SCN4B: variants seen among roughly 807,000 people sequenced by gnomAD.
SCN4B encodes the protein sodium voltage-gated channel beta subunit 4.
A neutral mutation model predicts 19.6 loss-of-function variants in SCN4B; 20 were observed. The ratio of observed to expected loss-of-function variants is 1.02; its 90% CI spans 0.72 to 1.48. The LOEUF (loss-of-function observed/expected upper bound fraction) is 1.48, where lower values mean the gene tolerates loss of function less well. SCN4B is among the 40% of genes most tolerant of loss of function. The probability of loss-of-function intolerance (pLI) is 0.00; values close to 1 mark genes in which losing one functional copy is unlikely to be tolerated. For synonymous variants in SCN4B, 127 were observed against 122.8 expected (o/e 1.03, Z -0.22); for missense variants, 271 against 287.5 (o/e 0.94, Z 0.42).
At chr11:118,151,737 G>A (rs1303575169) in intron 1 of SCN4B, among the ~76,000 whole-genome samples, 1 of 152,204 alleles carries the variant, frequency 6.6e-6, no homozygotes, top group Non-Finnish European at 1.5e-5. Context: ...AAGAGATGCC[G>A]TTGCCAGAGA....
Position 118,141,282 on chromosome 11 carries a change from A to G in SCN4B, c.518T>C (p.Val173Ala), listed in dbSNP as rs1471873887. The change falls in exon 4 of 5, where the codon GTC becomes GCC. Residue 173 changes from valine to alanine, a missense_variant. Val to Ala is a moderately conservative substitution (Grantham distance 64). Transcript: ENST00000324727. Reference sequence around the variant, plus strand: ...CAGGATGAGGATGAGGAGCCCGATGACCCCGCCCACGACAGCCAGGATGAT... The same window carrying G: ...CAGGATGAGGATGAGGAGCCCGATGGCCCCGCCCACGACAGCCAGGATGAT... ...TLIILAVVGGVIGLLILILLI... is the reference protein window; with the variant it reads ...TLIILAVVGGAIGLLILILLI... 1.2e-6 allele frequency: 2 copies of G among 1,612,366 alleles called. No homozygotes were observed. The highest frequency in any genetic ancestry group is 1.7e-6 in the Non-Finnish European group (2 of 1,179,920).
chr11:118,134,065 C>G lies in SCN4B; in HGVS notation c.*2962G>C. On this transcript the variant is annotated 3_prime_UTR_variant, in exon 5 of 5. Coordinates refer to ENST00000324727, the MANE Select transcript of SCN4B (RefSeq NM_174934.4). ...CCTCCTGCCATCTCACAAGCATGCT[C>G]TCAAGCCCTCGCTCCACAAGAGCTC... The G allele has an allele frequency of 2.2e-6, 1 of 454,522 alleles. No individual in the cohort carries two copies. The allele number at this position is 454,522 out of a possible 1,614,324, so 28.2% of individuals were successfully genotyped here. A position where few individuals can be genotyped will look rare whatever the true frequency, so the allele number is the denominator to read the frequency against.
rs1458197310 is a variant in SCN4B, at chr11:118,134,561, C to T, written c.*2466G>A. ...GGGGCAACCAAAAATGCCCCCCCTA[C>T]AATCTCAGTCACCTCTATTGAAAAC... On this transcript the variant is annotated 3_prime_UTR_variant, in exon 5 of 5. Coordinates refer to ENST00000324727, the MANE Select transcript of SCN4B (RefSeq NM_174934.4). 1 of 454,092 alleles carries T rather than the reference C, an allele frequency of 2.2e-6. No homozygotes were observed. Among genetic ancestry groups the T allele is most frequent in the Admixed American group, 2.3e-5 (1 of 42,578 alleles). The allele number at this position is 454,092 out of a possible 1,614,324, so 28.1% of individuals were successfully genotyped here.
chr11:118,137,170 G>C (rs944323108), intron 4 of SCN4B, 50 bp from the exon 5 acceptor site: 6 of 1,388,058 alleles, frequency 4.3e-6, no homozygotes, highest in Non-Finnish European at 5.1e-6. Flanking sequence ...GCAAGAGTAG[G>C]GGGAGAATTG....
chr11:118,150,459 C>T (rs895128439), intron 1 of SCN4B, among the ~76,000 whole-genome samples: 2 of 152,124 alleles, frequency 1.3e-5, no homozygotes, highest in African/African-American at 4.8e-5. Flanking sequence ...TTTATCCTTC[C>T]ACACTCATGC....
At chr11:118,140,188 A>G (rs1347262477) in intron 4 of SCN4B, among the ~76,000 whole-genome samples, 1 of 152,218 alleles carries the variant, frequency 6.6e-6, no homozygotes, top group Non-Finnish European at 1.5e-5. Flanking sequence ...CCACGCTTTT[A>G]GCCCCTCTCA....
intron 3 of SCN4B, chr11:118,141,919 C>T (rs1265922908): frequency 6.3e-6 from 1 of 157,530 alleles, no homozygotes; most frequent in Non-Finnish European, 1.4e-5. Flanking sequence ...AGTCTTCCTC[C>T]TCTCCACTGA....
At chr11:118,137,331 T>G (rs1948029843) in intron 4 of SCN4B, among the ~76,000 whole-genome samples, 1 of 152,164 alleles carries the variant, frequency 6.6e-6, no homozygotes, top group Non-Finnish European at 1.5e-5. Context: ...TGCGTGGGGT[T>G]GCTGGAAGGA....
At chr11:118,138,743 T>C (rs148028674) in intron 4 of SCN4B, among the ~76,000 whole-genome samples, 245 of 152,286 alleles carry the variant, frequency 1.6e-3, no homozygotes, top group African/African-American at 4.5e-3. Context: ...AGCCTCCTCA[T>C]AGGAGTCAGG....
Position 118,141,325 on chromosome 11 carries a change from C to G in SCN4B, c.475G>C (p.Asp159His), listed in dbSNP as rs1565455142. The change falls in exon 4 of 5, where the codon GAC becomes CAC. Residue 159 changes from aspartate (D) to histidine (H), a missense_variant. Asp to His is a moderately conservative substitution (Grantham distance 81). Coordinates refer to ENST00000324727, the MANE Select transcript of SCN4B (RefSeq NM_174934.4). ...AGGATGATGAGTGTCACTGTGTTGT[C>G]CACTTCTTCCACTGTGTGGCCCGAG... is the stretch of plus-strand genomic sequence containing the variant. The part of the protein sequence containing the change: ...LQVVDRLEEV[D>H]NTVTLIILAV... 3.1e-6 allele frequency: 5 copies of G among 1,612,328 alleles called. No homozygotes were observed. Among genetic ancestry groups the G allele is most frequent in the Middle Eastern group, 2.2e-4 (1 of 4,560 alleles).
chr11:118,146,199 C>G (rs948869445), intron 1 of SCN4B, among the ~76,000 whole-genome samples: 1 of 152,212 alleles, frequency 6.6e-6, no homozygotes, highest in Non-Finnish European at 1.5e-5. Context: ...AACCTCCGCC[C>G]CAGCACTCCG....
intron 1 of SCN4B, among the ~76,000 whole-genome samples, chr11:118,146,507 A>C (rs1337505394): frequency 6.6e-6 from 1 of 152,160 alleles, no homozygotes; most frequent in Non-Finnish European, 1.5e-5. Context: ...TCTGCATCAT[A>C]AACCTCTTGT....
intron 4 of SCN4B, among the ~76,000 whole-genome samples, chr11:118,139,790 C>T (rs760768009): frequency 2.0e-5 from 3 of 151,942 alleles, no homozygotes; most frequent in Non-Finnish European, 4.4e-5. Flanking sequence ...TGGTGGAATT[C>T]CTAACATATG....
intron 1 of SCN4B, among the ~76,000 whole-genome samples, chr11:118,150,753 G>A (rs1439646876): frequency 6.6e-6 from 1 of 152,146 alleles, no homozygotes; most frequent in Non-Finnish European, 1.5e-5. Context: ...AGTCGTCTCT[G>A]TATCTCCCCC....
chr11:118,144,082 G>A, intron 2 of SCN4B, 21 bp from the exon 3 acceptor site: 1 of 1,536,146 alleles, frequency 6.5e-7, no homozygotes, highest in Non-Finnish European at 9.0e-7. Context: ...AAGGGAGTTG[G>A]GGTGAGAAAG....
At chr11:118,142,494 T>C (rs148558040) in intron 3 of SCN4B, among the ~76,000 whole-genome samples, 67 of 152,316 alleles carry the variant, frequency 4.4e-4, no homozygotes, top group African/African-American at 1.5e-3. Flanking sequence ...TTTTTCTTCT[T>C]AACACTAGCC....
intron 4 of SCN4B, among the ~76,000 whole-genome samples, chr11:118,140,544 G>T (rs1410895216): frequency 1.3e-5 from 2 of 152,172 alleles, no homozygotes; most frequent in African/African-American, 4.8e-5. Context: ...CCTTTTCCCT[G>T]CTCTAGTTTT....
At chr11:118,145,989 C>T (rs1027623365) in intron 1 of SCN4B, among the ~76,000 whole-genome samples, 4 of 151,370 alleles carry the variant, frequency 2.6e-5, no homozygotes, top group African/African-American at 9.7e-5. Context: ...CGGGGGCGCG[C>T]GGGCGCAGCC....
intron 3 of SCN4B, 175 bp from the exon 4 acceptor site, chr11:118,141,511 G>A (rs1047576929): frequency 1.4e-6 from 1 of 708,126 alleles, no homozygotes. Flanking sequence ...TGGAGAGGCA[G>A]AGCATGGCAT....
Sources: gnomAD v4.1 joint callset for allele counts (sites outside exome capture counted in the v4.1 genomes callset) on GRCh38, gnomAD v4.1.1 for gene constraint, MANE v1.5 for transcripts, NCBI Gene and HGNC (gene_info 2026-07-23, HGNC 2026-07-21) for gene names.